NBEAL2: variants seen among roughly 807,000 people sequenced by gnomAD.
The protein encoded by NBEAL2 is neurobeachin like 2, also known as neurobeachin-like protein 2.
NBEAL2 carries 160 observed loss-of-function variants against 299.8 expected under a neutral mutation model. The ratio of observed to expected loss-of-function variants is 0.53; its 90% CI spans 0.47 to 0.61. The LOEUF (loss-of-function observed/expected upper bound fraction) is 0.61. Ranked by LOEUF, NBEAL2 falls within the 20% of genes least tolerant of loss-of-function variation. NBEAL2 has a pLI of 0.00. For missense variants in NBEAL2, 3,112 were observed against 3,649.0 expected, an observed-to-expected ratio of 0.85 and a Z score of 3.79; for synonymous variants, 1,493 against 1,542.3, an observed-to-expected ratio of 0.97 and a Z score of 0.75.
Position 47,003,096 on chromosome 3 carries a change from T to G in NBEAL2, c.5584+15T>G, listed in dbSNP as rs1559613743. 1 of 1,612,096 alleles carries G rather than the reference T, an allele frequency of 6.2e-7. No homozygotes were observed. The highest frequency in any genetic ancestry group is 8.5e-7 in the Non-Finnish European group (1 of 1,179,264). The stretch of plus-strand genomic sequence containing the variant: ...AGACAATCTGGGTGAGGGAGTGTGC[T>G]GAGATGGGTCCACCCAACTCGATTG... On this transcript the variant is annotated intron_variant, in intron 34 of 53. Transcript: ENST00000450053. The surrounding 1 kb of genome is among the most constrained non-coding windows in gnomAD (Gnocchi z 7.0).
chr3:46,992,646 G>T, intron 10 of NBEAL2, 91 bp downstream of exon 10: 1 of 1,236,868 alleles, frequency 8.1e-7, no homozygotes, highest in Non-Finnish European at 1.2e-6. Flanking sequence ...GAGCAGATGT[G>T]TGTAAGGCCT....
intron 11 of NBEAL2, 66 bp downstream of exon 11, chr3:46,994,086 A>C (rs2036298544): frequency 6.7e-7 from 1 of 1,482,806 alleles, no homozygotes; most frequent in Non-Finnish European, 9.2e-7. Context: ...ATATCCCCAG[A>C]ACAGGCCTGG....
In NBEAL2 at chr3:47,005,585, C is replaced by A. The variant is rs749279630; in HGVS notation, c.6657C>A (p.Phe2219Leu). ...ATGTGAAGGAGCTCATCCCGGAATT[C>A]TTCTACTTTCCTGACTTCCTGGAGA... ...PADVKELIPE[F>L]FYFPDFLENQ... Residue 2219 changes from phenylalanine (F) to leucine (L), a missense_variant, in exon 41 of 54, where the codon TTC becomes TTA. By Grantham distance (22) the Phe-to-Leu change is conservative. Around this residue, in one of 3 missense-constraint regions of NBEAL2, gnomAD observed 521 missense variants for 729.6 expected, o/e 0.71. Transcript: ENST00000450053. 9 of 1,613,436 alleles carry A rather than the reference C, an allele frequency of 5.6e-6. No homozygotes were observed. Among genetic ancestry groups the A allele is most frequent in the Middle Eastern group, 1.6e-4 (1 of 6,062 alleles).
At chr3:47,005,437 C>A in intron 40 of NBEAL2, 52 bp from the exon 41 acceptor site, 2 of 1,593,548 alleles carry the variant, frequency 1.3e-6, no homozygotes. Flanking sequence ...CAGCATCTCC[C>A]TCCCTGTCTC....
rs1559590473 is a variant in NBEAL2, at chr3:46,992,495, G to GC, written c.1059dup (p.Glu354ArgfsTer5). Reference sequence around the variant, plus strand: ...CACAGCTGTACCTGCAGTCCCGGGCGCCCCCCGAGGGGGACAGTGACCTGG... The same window carrying GC: ...CACAGCTGTACCTGCAGTCCCGGGCGCCCCCCCGAGGGGGACAGTGACCTGG... On this transcript the variant is annotated frameshift_variant, in exon 10 of 54. Coordinates refer to ENST00000450053, the MANE Select transcript of NBEAL2 (RefSeq NM_015175.3). LOFTEE classifies it high-confidence loss of function. 5 of 1,606,286 alleles carry GC rather than the reference G, an allele frequency of 3.1e-6. No homozygotes were observed. The highest frequency in any genetic ancestry group is 1.3e-5 in the African/African-American group (1 of 74,768).
intron 52 of NBEAL2, 92 bp downstream of exon 52, chr3:47,008,760 T>A (rs1430627926): frequency 1.3e-6 from 2 of 1,555,400 alleles, no homozygotes. Flanking sequence ...CATACATGTT[T>A]GTGGGCACAT....
At chr3:46,998,620 C>T in intron 22 of NBEAL2, 55 bp downstream of exon 22, 3 of 1,577,916 alleles carry the variant, frequency 1.9e-6, no homozygotes, top group South Asian at 1.2e-5. Context: ...GGCCTCCGGC[C>T]TTGGGGACTG....
At chr3:46,993,139 G>A (rs1450459384) in intron 10 of NBEAL2, among the ~76,000 whole-genome samples, 1 of 152,218 alleles carries the variant, frequency 6.6e-6, no homozygotes, top group Non-Finnish European at 1.5e-5. Context: ...TGTGTTCACC[G>A]CATGTGGTCA....
At position 47,002,945 on chromosome 3, in the gene NBEAL2, G is replaced by C. The variant is rs768450950; in HGVS notation, c.5460-12G>C. On this transcript the variant is annotated splice_polypyrimidine_tract_variant and intron_variant, in intron 33 of 53. Transcript: ENST00000450053. Reference sequence around the variant, plus strand: ...CCTTCTACCGACCCATGACCTGGGGGACATTCTGCAGGGACACTCCCATCC... The same window carrying C: ...CCTTCTACCGACCCATGACCTGGGGCACATTCTGCAGGGACACTCCCATCC... 6.2e-7 allele frequency: 1 copy of C among 1,612,336 alleles called. No homozygotes were observed. The highest frequency in any genetic ancestry group is 8.5e-7 in the Non-Finnish European group (1 of 1,179,494).
At position 47,005,005 on chromosome 3, in the gene NBEAL2, A is replaced by G. The variant is rs1338202503; in HGVS notation, c.6328A>G (p.Thr2110Ala). 1.9e-6 allele frequency: 3 copies of G among 1,611,354 alleles called. No homozygotes were observed. Among genetic ancestry groups the G allele is most frequent in the South Asian group, 1.1e-5 (1 of 90,644 alleles). ...GGTCCTGCAGGACTACGTGTCCCCA[A>G]CCCTGGACCTCAGCAACCCAGCCGT... ...PWVLQDYVSP[T>A]LDLSNPAVFR... Residue 2110 changes from threonine to alanine, a missense_variant, in exon 39 of 54, where the codon ACC becomes GCC. Coordinates refer to ENST00000450053, the MANE Select transcript of NBEAL2 (RefSeq NM_015175.3).
rs757785447 is a variant in NBEAL2 at position 47,004,423 on chromosome 3, G to A, written c.6198+30G>A. The A allele has an allele frequency of 6.3e-6, 10 of 1,592,308 alleles. No individual in the cohort carries two copies. In the South Asian group the frequency reaches 9.1e-5, roughly 15 times the overall value. ...GAGCCCTGGGTGTGAGGGATGTGAA[G>A]TCGGGACCCTGAATCACGGGGCAGT... On this transcript the variant is annotated intron_variant, in intron 37 of 53. Transcript: ENST00000450053. The surrounding 1 kb of genome is among the most constrained non-coding windows in gnomAD (Gnocchi z 5.0).
chr3:47,004,448 T>C lies in NBEAL2; in HGVS notation c.6199-47T>C. ...GTCGGGACCCTGAATCACGGGGCAG[T>C]GCTGGACAGCCCACCTGGCTCACAT... On this transcript the variant is annotated intron_variant, in intron 37 of 53. Coordinates refer to ENST00000450053, the MANE Select transcript of NBEAL2 (RefSeq NM_015175.3). The surrounding 1 kb of genome is among the most constrained non-coding windows in gnomAD (Gnocchi z 5.0). 2 of 1,605,482 alleles carry C rather than the reference T, an allele frequency of 1.2e-6. No homozygotes were observed. Among genetic ancestry groups the C allele is most frequent in the Non-Finnish European group, 1.7e-6 (2 of 1,174,582 alleles).
At position 46,989,926 on chromosome 3, in the gene NBEAL2, C is replaced by G. The variant is rs1245871256; in HGVS notation, c.556+333C>G. On this transcript the variant is annotated intron_variant, in intron 6 of 53. Coordinates refer to ENST00000450053, the MANE Select transcript of NBEAL2 (RefSeq NM_015175.3). The surrounding 1 kb of genome is among the most constrained non-coding windows in gnomAD (Gnocchi z 5.5). ...AATCCCTTTGTCCCCATAGCCTCCA[C>G]GCATCTCCACCCATCCCGGAGACAC... Among the ~76,000 whole-genome samples the G allele has an allele frequency of 2.0e-5, 3 of 152,114 alleles. No individual in the cohort carries two copies. Among genetic ancestry groups the G allele is most frequent in the Admixed American group, 2.0e-4 (3 of 15,282 alleles).
intron 33 of NBEAL2, 51 bp downstream of exon 33, chr3:47,002,853 G>C: frequency 1.8e-6 from 1 of 549,274 alleles, no homozygotes; most frequent in Non-Finnish European, 3.3e-6. Flanking sequence ...GCTTGGGAGG[G>C]AGGGAGCCAC....
chr3:47,005,542 G>C lies in NBEAL2; in HGVS notation c.6614G>C (p.Arg2205Pro). The C allele has an allele frequency of 6.2e-7, 1 of 1,611,114 alleles. No individual in the cohort carries two copies. The change falls in exon 41 of 54, where the codon CGC becomes CCC. Residue 2205 changes from arginine to proline, a missense_variant. This residue lies in a region of NBEAL2 where 521 missense variants were observed against 729.6 expected (regional missense o/e 0.71). Coordinates refer to ENST00000450053, the MANE Select transcript of NBEAL2 (RefSeq NM_015175.3). ...TCGGTGGCGGCAGCCTGGCAGGCACGCCTGGAGAGCCCTGCCGATGTGAAG... is the reference window on the plus strand; with the variant it reads ...TCGGTGGCGGCAGCCTGGCAGGCACCCCTGGAGAGCCCTGCCGATGTGAAG... Reference protein sequence around the residue: ...FHSVAAAWQARLESPADVKEL... With the variant: ...FHSVAAAWQAPLESPADVKEL...
Position 47,002,210 on chromosome 3 carries a change from C to T in NBEAL2, c.5073C>T (p.Thr1691=). The T allele has an allele frequency of 6.5e-7, 1 of 1,534,170 alleles. No individual in the cohort carries two copies. The highest frequency in any genetic ancestry group is 8.8e-7 in the Non-Finnish European group (1 of 1,137,614). The change falls in exon 31 of 54, where the codon ACC becomes ACT. Residue 1691 remains threonine, a synonymous_variant. Transcript: ENST00000450053. ...LQWGLPSLPP[T]NGSPTFFEDF... is the part of the protein sequence containing the mutation. The stretch of plus-strand genomic sequence containing the variant: ...GGGGACTGCCCTCCCTGCCACCCAC[C>T]AATGGCAGCCCCACCTTCTTTGAAG...
Position 47,001,132 on chromosome 3 carries a change from G to T in NBEAL2, c.4437G>T (p.Leu1479=), listed in dbSNP as rs373503829. The change falls in exon 28 of 54, where the codon CTG becomes CTT. Residue 1479 remains leucine, a synonymous_variant. Transcript: ENST00000450053. This position sits in a 1 kb window ranked among gnomAD's most constrained non-coding sequence, Gnocchi z 6.1. Reference sequence around the variant, plus strand: ...AGGTTTTCTCAGTGCTCACCCAGCTGGGGGCCTCAGCCACACTTGTGCGCC... The same window carrying T: ...AGGTTTTCTCAGTGCTCACCCAGCTTGGGGCCTCAGCCACACTTGTGCGCC... ...RGQVFSVLTQ[L]GASATLVRPP... is the part of the protein sequence containing the mutation. 4.5e-5 allele frequency: 73 copies of T among 1,612,546 alleles called. No homozygotes were observed. The highest frequency in any genetic ancestry group is 5.5e-5 in the Non-Finnish European group (65 of 1,179,530).
Position 47,001,576 on chromosome 3 carries a change from G to C in NBEAL2, c.4645-113G>C. 3 of 1,565,768 alleles carry C rather than the reference G, an allele frequency of 1.9e-6. No homozygotes were observed. The highest frequency in any genetic ancestry group is 2.6e-6 in the Non-Finnish European group (3 of 1,153,600). On this transcript the variant is annotated intron_variant, in intron 29 of 53. Coordinates refer to ENST00000450053, the MANE Select transcript of NBEAL2 (RefSeq NM_015175.3). This position sits in a 1 kb window ranked among gnomAD's most constrained non-coding sequence, Gnocchi z 6.1. Reference sequence around the variant, plus strand: ...CATGAATGCCTGTGAGTGTGGACTTGCCTGTGTGCACAAACCCTACCTGGC... The same window carrying C: ...CATGAATGCCTGTGAGTGTGGACTTCCCTGTGTGCACAAACCCTACCTGGC...
At position 46,996,568 on chromosome 3, in the gene NBEAL2, G is replaced by T; in HGVS notation, c.2449G>T (p.Ala817Ser). 1 of 1,536,436 alleles carries T rather than the reference G, an allele frequency of 6.5e-7. No homozygotes were observed. Among genetic ancestry groups the T allele is most frequent in the South Asian group, 1.3e-5 (1 of 79,332 alleles). ...CTTTCACGAAGCCCTGCAGGCGACGGCTCTGAGGACCCTGTGCACCCTGGG... is the reference window on the plus strand; with the variant it reads ...CTTTCACGAAGCCCTGCAGGCGACGTCTCTGAGGACCCTGTGCACCCTGGG... ...AIFHEALQAT[A>S]LRTLCTLGPN... is the part of the protein sequence containing the mutation. Residue 817 changes from alanine to serine, a missense_variant, in exon 16 of 54, where the codon GCT becomes TCT. Physicochemically the swap from Ala to Ser is moderately conservative, Grantham distance 99. Transcript: ENST00000450053.
Sources: allele counts gnomAD v4.1 joint callset (sites outside exome capture counted in the v4.1 genomes callset), GRCh38; gene constraint gnomAD v4.1.1; regional missense constraint gnomAD v4.1.1; non-coding constraint Gnocchi (gnomAD v3.1); transcripts MANE v1.5; gene names NCBI Gene and HGNC (gene_info 2026-07-23, HGNC 2026-07-21).